The following VAV2 variants were observed in gnomAD, a reference collection of about 807,000 sequenced individuals.
The protein encoded by VAV2 is vav guanine nucleotide exchange factor 2.
In VAV2, 67 loss-of-function variants were observed where a neutral mutation model predicts 132.5. The observed-to-expected ratio is 0.51, with a 90% CI of 0.42 to 0.62. The LOEUF (loss-of-function observed/expected upper bound fraction) is 0.62, where lower values mean the gene tolerates loss of function less well. Among genes scored for constraint, VAV2 ranks in the 20% least tolerant of loss-of-function variants. The probability of loss-of-function intolerance (pLI) is 0.00; values close to 1 mark genes in which losing one functional copy is unlikely to be tolerated. For synonymous variants in VAV2, 492 were observed against 443.5 expected, an observed-to-expected ratio of 1.11 and a Z score of -1.37; for missense variants, 938 against 1,153.6, an observed-to-expected ratio of 0.81 and a Z score of 2.71.
intron 2 of VAV2, among the ~76,000 whole-genome samples, chr9:133,938,482 G>C (rs1564481688): frequency 7.3e-6 from 1 of 137,380 alleles, no homozygotes. Flanking sequence ...CAGCCTCAGG[G>C]TCCCCTCATG....
intron 1 of VAV2, among the ~76,000 whole-genome samples, chr9:133,988,720 G>A (rs1449726961): frequency 6.6e-6 from 1 of 152,044 alleles, no homozygotes; most frequent in African/African-American, 2.4e-5. Context: ...TCAGGAGTTC[G>A]AGACCACCCT....
chr9:133,949,764 C>A (rs1232327486), intron 1 of VAV2, among the ~76,000 whole-genome samples: 3 of 152,210 alleles, frequency 2.0e-5, no homozygotes, highest in Admixed American at 1.3e-4. Context: ...ACGCAGGCAG[C>A]CCTGGGTCCA....
At chr9:133,812,705 T>G (rs934949516) in intron 4 of VAV2, among the ~76,000 whole-genome samples, 2 of 152,158 alleles carry the variant, frequency 1.3e-5, no homozygotes, top group African/African-American at 4.8e-5. Flanking sequence ...GTGCAAAGTT[T>G]CCGGGTACAT....
intron 2 of VAV2, among the ~76,000 whole-genome samples, chr9:133,887,151 G>C (rs1365492659): frequency 1.3e-5 from 2 of 152,166 alleles, no homozygotes; most frequent in Non-Finnish European, 2.9e-5. Flanking sequence ...GGTGAGGTAG[G>C]GGCCATCTGC....
At chr9:133,901,296 G>A (rs1839432145) in intron 2 of VAV2, among the ~76,000 whole-genome samples, 2 of 152,200 alleles carry the variant, frequency 1.3e-5, no homozygotes, top group Non-Finnish European at 2.9e-5. Flanking sequence ...CTCCCCACGG[G>A]TCTCCTCAGA....
chr9:133,909,784 A>G (rs936687702), intron 2 of VAV2, among the ~76,000 whole-genome samples: 8 of 152,214 alleles, frequency 5.3e-5, no homozygotes, highest in African/African-American at 1.9e-4. Context: ...TGAGGATTGT[A>G]TTAATATTTC....
At position 133,769,572 on chromosome 9, in the gene VAV2, C is replaced by A; in HGVS notation, c.2348-69G>T. On this transcript the variant is annotated intron_variant, in intron 27 of 29. Coordinates refer to ENST00000371850, the MANE Select transcript of VAV2 (RefSeq NM_001134398.2). The surrounding 1 kb of genome is among the most constrained non-coding windows in gnomAD (Gnocchi z 8.1). The stretch of plus-strand genomic sequence containing the variant: ...CCACGCACAGTCACGGTGGGCACAG[C>A]TACAGGCCGGGGGGCATGGGGTGGG... 6.7e-7 allele frequency: 1 copy of A among 1,501,544 alleles called. No homozygotes were observed. 93.0% of individuals were successfully genotyped at this position (1,501,544 alleles called of 1,614,324 possible).
Position 133,935,022 on chromosome 9 carries a change from C to A in VAV2, c.321+4081G>T, listed in dbSNP as rs1056881574. Reference sequence around the variant, plus strand: ...CCCAGCCCCACACCCCCTCGGTTACCCCTGACCAGCCCCACCCACCCCAGA... The same window carrying A: ...CCCAGCCCCACACCCCCTCGGTTACACCTGACCAGCCCCACCCACCCCAGA... On this transcript the variant is annotated intron_variant, in intron 2 of 29. Transcript: ENST00000371850. The surrounding 1 kb of genome is among the most constrained non-coding windows in gnomAD (Gnocchi z 5.2). 1.3e-5 allele frequency among the ~76,000 whole-genome samples: 2 copies of A among 151,906 alleles called. No homozygotes were observed. The highest frequency in any genetic ancestry group is 2.9e-5 in the Non-Finnish European group (2 of 67,950).
chr9:133,816,846 C>A (rs185868782), intron 4 of VAV2, among the ~76,000 whole-genome samples: 12 of 152,334 alleles, frequency 7.9e-5, no homozygotes, highest in Admixed American at 7.8e-4. Flanking sequence ...TCTATTCCAT[C>A]CATCTATTTG....
chr9:133,771,066 T>TTC (rs1833606391), intron 26 of VAV2, among the ~76,000 whole-genome samples: 2 of 147,448 alleles, frequency 1.4e-5, no homozygotes, highest in South Asian at 4.4e-4. Context: ...GATTTTCTTT[T>TTC]TTTTTTTTTT....
chr9:133,930,498 G>A (rs1840646030), intron 2 of VAV2, among the ~76,000 whole-genome samples: 2 of 152,276 alleles, frequency 1.3e-5, no homozygotes, highest in Admixed American at 1.3e-4. Flanking sequence ...CATCCTGGCC[G>A]TCTTCCGTGC....
Position 133,961,495 on chromosome 9 carries a change from C to T in VAV2, c.205-22276G>A, listed in dbSNP as rs1333551647. Reference sequence around the variant, plus strand: ...CCAACCCAGTCGGGTTTCAGTGACCCAAGGTCAGAGGCATGGAGGGAGCCC... The same window carrying T: ...CCAACCCAGTCGGGTTTCAGTGACCTAAGGTCAGAGGCATGGAGGGAGCCC... On this transcript the variant is annotated intron_variant, in intron 1 of 29. Coordinates refer to ENST00000371850, the MANE Select transcript of VAV2 (RefSeq NM_001134398.2). This position sits in a 1 kb window ranked among gnomAD's most constrained non-coding sequence, Gnocchi z 4.1. Among the ~76,000 whole-genome samples, 2 of 152,162 alleles carry T rather than the reference C, an allele frequency of 1.3e-5. No individual in the cohort carries two copies. Among genetic ancestry groups the T allele is most frequent in the African/African-American group, 4.8e-5 (2 of 41,436 alleles).
intron 9 of VAV2, among the ~76,000 whole-genome samples, chr9:133,803,629 C>A (rs990888662): frequency 2.0e-5 from 3 of 152,210 alleles, no homozygotes; most frequent in African/African-American, 7.2e-5. Flanking sequence ...ACGAAGGCTG[C>A]ATTCATGAAA....
rs142112597 is a variant in VAV2 at position 133,818,235 on chromosome 9, G to A, written c.450-6019C>T. 5.7e-3 allele frequency among the ~76,000 whole-genome samples: 870 copies of A among 152,046 alleles called. 9 individuals carry two copies. Among genetic ancestry groups the A allele is most frequent in the African/African-American group, 0.019 (772 of 41,478 alleles). ...CAAAAAATTAGCCAGGCATGGTGGC[G>A]GGCACCTGAAGTCCCAGCTACTCAA... On this transcript the variant is annotated intron_variant, in intron 4 of 29. Coordinates refer to ENST00000371850, the MANE Select transcript of VAV2 (RefSeq NM_001134398.2).
intron 4 of VAV2, among the ~76,000 whole-genome samples, chr9:133,832,889 G>C (rs1836317760): frequency 2.0e-5 from 3 of 152,054 alleles, no homozygotes; most frequent in Non-Finnish European, 4.4e-5. Flanking sequence ...AGATTCCTGA[G>C]GCTGGTCAGG....
intron 4 of VAV2, among the ~76,000 whole-genome samples, chr9:133,820,526 T>C (rs571085694): frequency 4.0e-4 from 61 of 152,124 alleles, no homozygotes; most frequent in Non-Finnish European, 7.7e-4. Flanking sequence ...AGGGTTTCAC[T>C]GTGTTAGCCA....
Position 133,940,076 on chromosome 9 carries a change from C to T in VAV2, c.205-857G>A, listed in dbSNP as rs149091350. ...AGCAGGTGAGGTGGCCCGGGGGGCA[C>T]GCTCTGGAATCACTCGGGCCCCAGG... is the stretch of plus-strand genomic sequence containing the variant. On this transcript the variant is annotated intron_variant, in intron 1 of 29. Transcript: ENST00000371850. Among the ~76,000 whole-genome samples, 32 of 152,302 alleles carry T rather than the reference C, an allele frequency of 2.1e-4. 1 individual carries two copies. The Middle Eastern group carries it at 0.01, about 49-fold the overall frequency.
rs145590457 is a variant in VAV2 at position 133,834,498 on chromosome 9, C to T, written c.381-158G>A. Among the ~76,000 whole-genome samples, 72 of 152,376 alleles carry T rather than the reference C, an allele frequency of 4.7e-4. No homozygotes were observed. The highest frequency in any genetic ancestry group is 1.5e-3 in the African/African-American group (64 of 41,596). ...GGACACAGGGTGCGCGGACACTGAT[C>T]GGAGTCACAGGACGAGCCAACTGGG... On this transcript the variant is annotated intron_variant, in intron 3 of 29. Transcript: ENST00000371850. The surrounding 1 kb of genome is among the most constrained non-coding windows in gnomAD (Gnocchi z 5.9).
rs1835910208 is a variant in VAV2, at chr9:133,824,508, G to A, written c.449+9764C>T. 6.6e-6 allele frequency among the ~76,000 whole-genome samples: 1 copy of A among 152,176 alleles called. No individual in the cohort carries two copies. The highest frequency in any genetic ancestry group is 2.4e-5 in the African/African-American group (1 of 41,448). On this transcript the variant is annotated intron_variant, in intron 4 of 29. Transcript: ENST00000371850. The surrounding 1 kb of genome is among the most constrained non-coding windows in gnomAD (Gnocchi z 5.2). ...TGGCCTGGCACAGGGGGTAAGAGCAGGTTTCCTAAATCACACTTTGGCAAA... is the reference window on the plus strand; with the variant it reads ...TGGCCTGGCACAGGGGGTAAGAGCAAGTTTCCTAAATCACACTTTGGCAAA...
Sources: gnomAD v4.1 joint callset for allele counts (sites outside exome capture counted in the v4.1 genomes callset) on GRCh38, gnomAD v4.1.1 for gene constraint, Gnocchi (gnomAD v3.1) non-coding constraint, MANE v1.5 for transcripts, NCBI Gene and HGNC (gene_info 2026-07-23, HGNC 2026-07-21) for gene names.